Variants in IGSF3 observed in about 807,000 individuals in gnomAD.
The protein encoded by IGSF3 is glu-Trp-Ile EWI motif-containing protein 3.
IGSF3 carries 23 observed loss-of-function variants against 114.4 expected under a neutral mutation model. That is an observed-to-expected ratio of 0.20 (90% CI 0.14 to 0.28). The LOEUF is 0.28. Ranked by LOEUF, IGSF3 falls within the 10% of genes least tolerant of loss-of-function variation. The probability of loss-of-function intolerance (pLI) is 1.00; values close to 1 mark genes in which losing one functional copy is unlikely to be tolerated. For missense variants in IGSF3, 1,172 were observed against 1,591.5 expected (o/e 0.74, Z 4.48); for synonymous variants, 571 against 645.2 (o/e 0.88, Z 1.74).
chr1:116,619,829 C>A (rs547858400), intron 2 of IGSF3, among the ~76,000 whole-genome samples: 136 of 152,060 alleles, frequency 8.9e-4, no homozygotes, highest in African/African-American at 3.2e-3. Flanking sequence ...GATTACTCTG[C>A]AATAAGCAAA....
At chr1:116,652,103 T>C (rs1423485430) in intron 2 of IGSF3, among the ~76,000 whole-genome samples, 1 of 152,200 alleles carries the variant, frequency 6.6e-6, no homozygotes, top group Admixed American at 6.5e-5. Context: ...GAATTTCTGA[T>C]ACTGATGATA....
chr1:116,637,536 G>T (rs1234156090), intron 2 of IGSF3, among the ~76,000 whole-genome samples: 1 of 152,106 alleles, frequency 6.6e-6, no homozygotes, highest in African/African-American at 2.4e-5. Context: ...TCCACAAGTG[G>T]CCTGACCAGC....
At position 116,651,983 on chromosome 1, in the gene IGSF3, T is replaced by C. The variant is rs1367574598; in HGVS notation, c.43+14301A>G. Among the ~76,000 whole-genome samples, 1 of 152,228 alleles carries C rather than the reference T, an allele frequency of 6.6e-6. No individual in the cohort carries two copies. The highest frequency in any genetic ancestry group is 1.5e-5 in the Non-Finnish European group (1 of 68,042). On this transcript the variant is annotated intron_variant, in intron 2 of 10. Transcript: ENST00000369486. This position sits in a 1 kb window ranked among gnomAD's most constrained non-coding sequence, Gnocchi z 4.4. ...ATAGCAGAACACATCATATATTTGT[T>C]AAATGTATTGATTAGTGTTACAACA... is the stretch of plus-strand genomic sequence containing the variant.
intron 8 of IGSF3, among the ~76,000 whole-genome samples, chr1:116,587,432 A>G (rs1408223641): frequency 6.6e-6 from 1 of 152,206 alleles, no homozygotes; most frequent in Non-Finnish European, 1.5e-5. Context: ...CCTTCACGGA[A>G]GAGCAAGACA....
rs1321717221 is a variant in IGSF3, at chr1:116,603,685, A to G, written c.1563T>C (p.Asp521=). 1 of 1,613,904 alleles carries G rather than the reference A, an allele frequency of 6.2e-7. No homozygotes were observed. The highest frequency in any genetic ancestry group is 2.2e-5 in the East Asian group (1 of 44,880). ...GCTCCCCAACAATCTGCCACTCGCC[A>G]TCCACTGCCCGCACCCATTCAGTCA... The part of the protein sequence containing the change: ...CHVTEWVRAV[D]GEWQIVGERR... Residue 521 remains aspartate (D), a synonymous_variant, in exon 6 of 11, where the codon GAT becomes GAC. Coordinates refer to ENST00000369486, the MANE Select transcript of IGSF3 (RefSeq NM_001007237.3). The surrounding 1 kb of genome is among the most constrained non-coding windows in gnomAD (Gnocchi z 7.1).
intron 2 of IGSF3, among the ~76,000 whole-genome samples, chr1:116,622,466 TA>T (rs3045085): frequency 0.011 from 1,540 of 146,308 alleles, 15 homozygotes; most frequent in Middle Eastern, 0.022. Flanking sequence ...AAAATTACAT[TA>T]AAAAAAAAAA....
chr1:116,594,100 C>T lies in IGSF3; in HGVS notation c.2030-4996G>A, dbSNP rs530665893. ...TCCTTTGTTTTGTTCAGAATTGTAG[C>T]AAGAGTTACTCAGGACTTCAGAAAC... On this transcript the variant is annotated intron_variant, in intron 7 of 10. Coordinates refer to ENST00000369486, the MANE Select transcript of IGSF3 (RefSeq NM_001007237.3). This position sits in a 1 kb window ranked among gnomAD's most constrained non-coding sequence, Gnocchi z 5.2. Among the ~76,000 whole-genome samples the T allele has an allele frequency of 4.6e-5, 7 of 152,312 alleles. No homozygotes were observed. The South Asian group carries it at 1.4e-3, about 32-fold the overall frequency.
In IGSF3 at chr1:116,600,527, C is replaced by T. The variant is rs2101430431; in HGVS notation, c.1625-182G>A. Among the ~76,000 whole-genome samples, 1 of 152,096 alleles carries T rather than the reference C, an allele frequency of 6.6e-6. No homozygotes were observed. The highest frequency in any genetic ancestry group is 1.9e-4 in the East Asian group (1 of 5,176). On this transcript the variant is annotated intron_variant, in intron 6 of 10. Transcript: ENST00000369486. This position sits in a 1 kb window ranked among gnomAD's most constrained non-coding sequence, Gnocchi z 5.5. ...TGCTGAGGCCCAGTCCAAGAGTTTC[C>T]AAGACTCCAAAGAAAGGCCCACCAC...
rs1374581758 is a variant in IGSF3, at chr1:116,654,796, C to T, written c.43+11488G>A. ...GCAACATCCCCAGCAGTAATAAGGACGTTCCACACACCCAGGACTTGGGAT... is the reference window on the plus strand; with the variant it reads ...GCAACATCCCCAGCAGTAATAAGGATGTTCCACACACCCAGGACTTGGGAT... On this transcript the variant is annotated intron_variant, in intron 2 of 10. Coordinates refer to ENST00000369486, the MANE Select transcript of IGSF3 (RefSeq NM_001007237.3). This position sits in a 1 kb window ranked among gnomAD's most constrained non-coding sequence, Gnocchi z 4.4. 1.3e-5 allele frequency among the ~76,000 whole-genome samples: 2 copies of T among 152,156 alleles called. No homozygotes were observed. Among genetic ancestry groups the T allele is most frequent in the African/African-American group, 4.8e-5 (2 of 41,410 alleles).
chr1:116,580,692 A>C (rs1211996313), intron 9 of IGSF3, among the ~76,000 whole-genome samples: 1 of 152,248 alleles, frequency 6.6e-6, no homozygotes, highest in Non-Finnish European at 1.5e-5. Flanking sequence ...ACTGTAGGAA[A>C]ATACATTTAT....
Position 116,616,381 on chromosome 1 carries a change from G to C in IGSF3, c.120C>G (p.Ile40Met). ...LYRTEGSHIT[I>M]WCNVSGYQGP... Reference sequence around the variant, plus strand: ...CCTGGTAGCCACTCACATTGCACCAGATAGTGATGTGGGAGCCCTCCGTGC... The same window carrying C: ...CCTGGTAGCCACTCACATTGCACCACATAGTGATGTGGGAGCCCTCCGTGC... Residue 40 changes from isoleucine (I) to methionine (M), a missense_variant, in exon 3 of 11, where the codon ATC becomes ATG. By Grantham distance (10) the Ile-to-Met change is conservative. Coordinates refer to ENST00000369486, the MANE Select transcript of IGSF3 (RefSeq NM_001007237.3). The surrounding 1 kb of genome is among the most constrained non-coding windows in gnomAD (Gnocchi z 6.6). 1 of 1,611,534 alleles carries C rather than the reference G, an allele frequency of 6.2e-7. No individual in the cohort carries two copies. Among genetic ancestry groups the C allele is most frequent in the East Asian group, 2.2e-5 (1 of 44,888 alleles).
Position 116,666,370 on chromosome 1 carries a change from TC to T in IGSF3, c.-45del. 6.3e-7 allele frequency: 1 copy of T among 1,586,446 alleles called. No individual in the cohort carries two copies. Among genetic ancestry groups the T allele is most frequent in the Non-Finnish European group, 8.7e-7 (1 of 1,154,768 alleles). On this transcript the variant is annotated 5_prime_UTR_variant, in exon 2 of 11. Coordinates refer to ENST00000369486, the MANE Select transcript of IGSF3 (RefSeq NM_001007237.3). ...ACACAACACAAGGCGCTTCCTCTTC[TC>T]CCAGCTCCTAATCTCTCATTTCTGG... is the stretch of plus-strand genomic sequence containing the variant.
chr1:116,658,964 GA>G (rs1182889566), intron 2 of IGSF3, among the ~76,000 whole-genome samples: 1 of 152,342 alleles, frequency 6.6e-6, no homozygotes, highest in East Asian at 1.9e-4. Flanking sequence ...TGGATAATGG[GA>G]AATGGGGTCT....
chr1:116,613,926 A>C lies in IGSF3; in HGVS notation c.671T>G (p.Leu224Arg), dbSNP rs764166157. 6.2e-7 allele frequency: 1 copy of C among 1,613,754 alleles called. No individual in the cohort carries two copies. The highest frequency in any genetic ancestry group is 8.5e-7 in the Non-Finnish European group (1 of 1,179,828). ...GGTGAGGCGGAAGGTGGTCCTCCCC[A>C]GCTTGTCCAGCCGCACCTCCCCCAG... Reference protein sequence around the residue: ...QSLGEVRLDKLGRTTFRLTIF... With the variant: ...QSLGEVRLDKRGRTTFRLTIF... The change falls in exon 4 of 11, where the codon CTG (leucine) becomes CGG (arginine). Residue 224 changes from leucine (L) to arginine (R), a missense_variant. By Grantham distance (102) the Leu-to-Arg change is moderately radical. Transcript: ENST00000369486.
Position 116,603,143 on chromosome 1 carries a change from C to T in IGSF3, c.1624+481G>A, listed in dbSNP as rs1186482947. Among the ~76,000 whole-genome samples the T allele has an allele frequency of 6.6e-6, 1 of 152,200 alleles. No individual in the cohort carries two copies. The highest frequency in any genetic ancestry group is 2.4e-5 in the African/African-American group (1 of 41,446). On this transcript the variant is annotated intron_variant, in intron 6 of 10. Transcript: ENST00000369486. This position sits in a 1 kb window ranked among gnomAD's most constrained non-coding sequence, Gnocchi z 7.1. ...ATAGTAAATGCTAAATAAATGACAA[C>T]AGATGATTTTATACCCTTCTCTGCT...
chr1:116,613,767 G>A lies in IGSF3; in HGVS notation c.830C>T (p.Thr277Ile), dbSNP rs1340182735. 1.9e-6 allele frequency: 3 copies of A among 1,613,008 alleles called. No individual in the cohort carries two copies. The highest frequency in any genetic ancestry group is 1.7e-4 in the Middle Eastern group (1 of 6,054). ...ACAAGAGGCTCAGAGGGACTGACCA[G>A]TTGGCTGGACGTTGACCACGGCTCC... ...SEGAVVNVQPTDKEFTVRLET... is the reference protein window; with the variant it reads ...SEGAVVNVQPIDKEFTVRLET... Residue 277 changes from threonine to isoleucine, a missense_variant and splice_region_variant, in exon 4 of 11, where the codon ACT becomes ATT. Coordinates refer to ENST00000369486, the MANE Select transcript of IGSF3 (RefSeq NM_001007237.3).
rs1050800595 is a variant in IGSF3, at chr1:116,576,968, G to A, written c.*344C>T. On this transcript the variant is annotated 3_prime_UTR_variant, in exon 11 of 11. Transcript: ENST00000369486. This position sits in a 1 kb window ranked among gnomAD's most constrained non-coding sequence, Gnocchi z 4.6. ...GGTAAACTAAAGGGATTTAAAAAGA[G>A]TACATTACAAAGAATAAGAAGCCCT... The A allele has an allele frequency of 4.6e-6, 1 of 215,298 alleles. No homozygotes were observed. The highest frequency in any genetic ancestry group is 2.3e-5 in the African/African-American group (1 of 43,254). 13.3% of individuals were successfully genotyped at this position (215,298 alleles called of 1,614,324 possible).
At chr1:116,639,806 G>A (rs186426140) in intron 2 of IGSF3, among the ~76,000 whole-genome samples, 116 of 152,162 alleles carry the variant, frequency 7.6e-4, no homozygotes, top group Non-Finnish European at 1.1e-3. Context: ...GGCCAAGTTG[G>A]GCGAATCACT....
rs1180168388 is a variant in IGSF3 at position 116,589,332 on chromosome 1, C to G, written c.2030-228G>C. ...AGGCCTTCACCATCTCTCCCCTATC[C>G]ACTGCCTGCACAGCCCACCATCACA... On this transcript the variant is annotated intron_variant, in intron 7 of 10. Transcript: ENST00000369486. This position sits in a 1 kb window ranked among gnomAD's most constrained non-coding sequence, Gnocchi z 5.7. 3.9e-5 allele frequency among the ~76,000 whole-genome samples: 6 copies of G among 152,234 alleles called. No individual in the cohort carries two copies. The East Asian group carries it at 1.2e-3, about 30-fold the overall frequency.
Sources: gnomAD v4.1 joint callset for allele counts (sites outside exome capture counted in the v4.1 genomes callset) on GRCh38, gnomAD v4.1.1 for gene constraint, Gnocchi (gnomAD v3.1) non-coding constraint, MANE v1.5 for transcripts, NCBI Gene and HGNC (gene_info 2026-07-23, HGNC 2026-07-21) for gene names.